The following MARCHF3 variants were observed in gnomAD, a reference collection of about 807,000 sequenced individuals.
MARCHF3 encodes the protein E3 ubiquitin-protein ligase MARCHF3.
Under a neutral mutation model 24.2 loss-of-function variants are expected in MARCHF3, and 13 were observed. The ratio of observed to expected loss-of-function variants is 0.54; its 90% CI spans 0.35 to 0.85. The LOEUF is 0.85. Among genes scored for constraint, MARCHF3 ranks in the 40% least tolerant of loss-of-function variants. The pLI, the probability that MARCHF3 is intolerant of heterozygous loss-of-function variation, is 0.01. For missense variants in MARCHF3, 276 were observed against 325.0 expected (o/e 0.85, Z 1.16); for synonymous variants, 144 against 137.3 (o/e 1.05, Z -0.34).
chr5:126,989,316 C>G (rs1051672687), intron 1 of MARCHF3, among the ~76,000 whole-genome samples: 7 of 143,410 alleles, frequency 4.9e-5, no homozygotes, highest in South Asian at 2.1e-4. Context: ...AGTACTACTA[C>G]TACTACTACT....
At chr5:127,019,740 T>G (rs904038555) in intron 1 of MARCHF3, among the ~76,000 whole-genome samples, 1 of 152,246 alleles carries the variant, frequency 6.6e-6, no homozygotes, top group East Asian at 1.9e-4. Context: ...TCCTGCCACC[T>G]GCCTTACTTT....
chr5:127,029,239 G>C (rs1441611644), intron 1 of MARCHF3, among the ~76,000 whole-genome samples: 1 of 151,778 alleles, frequency 6.6e-6, no homozygotes, highest in East Asian at 1.9e-4. Flanking sequence ...ACATATACAC[G>C]TATGTATGTG....
At chr5:127,003,467 C>G (rs1752205649) in intron 1 of MARCHF3, among the ~76,000 whole-genome samples, 1 of 121,064 alleles carries the variant, frequency 8.3e-6, no homozygotes, top group South Asian at 2.6e-4. Context: ...GACTCCGTCT[C>G]AAAGGCCGGC....
intron 1 of MARCHF3, among the ~76,000 whole-genome samples, chr5:126,944,935 A>G (rs1749958702): frequency 6.6e-6 from 1 of 152,192 alleles, no homozygotes; most frequent in Non-Finnish European, 1.5e-5. Context: ...TTCCTTCCTT[A>G]GTCATTCTTA....
In MARCHF3 at chr5:126,899,107, T is replaced by C. The variant is rs1580616221; in HGVS notation, c.393+15823A>G. ...ATGATGGATTGCAAAGAAACCGCTT[T>C]ATCCCAAACAATCTCACAGCGTTCC... On this transcript the variant is annotated intron_variant, in intron 3 of 4. Transcript: ENST00000308660. 3 of 985,330 alleles carry C rather than the reference T, an allele frequency of 3.0e-6. 1 individual carries two copies. The South Asian group carries it at 1.4e-4, about 46-fold the overall frequency. 61.0% of individuals were successfully genotyped at this position (985,330 alleles called of 1,614,324 possible).
At chr5:127,006,663 A>G (rs921191248) in intron 1 of MARCHF3, among the ~76,000 whole-genome samples, 1 of 152,222 alleles carries the variant, frequency 6.6e-6, no homozygotes, top group Admixed American at 6.5e-5. Context: ...AAAGATGAAT[A>G]TAACTATCTG....
intron 1 of MARCHF3, among the ~76,000 whole-genome samples, chr5:127,023,758 A>G (rs1313875840): frequency 1.3e-5 from 2 of 149,706 alleles, no homozygotes; most frequent in African/African-American, 2.4e-5. Flanking sequence ...ATAAATAAAT[A>G]AATAAATAAA....
rs866871175 is a variant in MARCHF3, at chr5:126,904,147, C to A, written c.393+10783G>T. 4.4e-3 allele frequency among the ~76,000 whole-genome samples: 655 copies of A among 149,580 alleles called. 3 individuals are homozygous for A. The highest frequency in any genetic ancestry group is 0.034 in the Middle Eastern group (10 of 294). ...GTCCCTACAAAGGACATGAACTCAT[C>A]ATTTTTTATGGCTGCATAGTATTCC... On this transcript the variant is annotated intron_variant, in intron 3 of 4. Coordinates refer to ENST00000308660, the MANE Select transcript of MARCHF3 (RefSeq NM_178450.5).
chr5:126,902,486 G>A (rs1352598702), intron 3 of MARCHF3, among the ~76,000 whole-genome samples: 2 of 152,016 alleles, frequency 1.3e-5, no homozygotes, highest in Non-Finnish European at 2.9e-5. Flanking sequence ...GCAAGGATCA[G>A]AACAATTGAA....
At chr5:126,931,132 C>G (rs1339066397) in intron 1 of MARCHF3, among the ~76,000 whole-genome samples, 1 of 152,184 alleles carries the variant, frequency 6.6e-6, no homozygotes, top group Admixed American at 6.5e-5. Context: ...TGAAATGGTT[C>G]TGCAGACACC....
At chr5:126,893,027 TG>T (rs1205047425) in intron 3 of MARCHF3, among the ~76,000 whole-genome samples, 1 of 151,926 alleles carries the variant, frequency 6.6e-6, no homozygotes, top group Non-Finnish European at 1.5e-5. Flanking sequence ...GGAGGGTGTA[TG>T]TGTCGAGGAA....
chr5:126,989,333 AC>A (rs1561461764), intron 1 of MARCHF3, among the ~76,000 whole-genome samples: 381 of 141,182 alleles, frequency 2.7e-3, no homozygotes, highest in African/African-American at 8.3e-3. Flanking sequence ...TACTACTACT[AC>A]TACTAATAAT....
chr5:126,989,716 G>A (rs1201546911), intron 1 of MARCHF3, among the ~76,000 whole-genome samples: 1 of 152,154 alleles, frequency 6.6e-6, no homozygotes, highest in Non-Finnish European at 1.5e-5. Context: ...GTATCAACAT[G>A]TATACATTAA....
At chr5:126,961,170 AG>A (rs1750625052) in intron 1 of MARCHF3, among the ~76,000 whole-genome samples, 2 of 152,268 alleles carry the variant, frequency 1.3e-5, no homozygotes, top group African/African-American at 4.8e-5. Flanking sequence ...GAATCCCAGA[AG>A]TACTGAAGAA....
intron 1 of MARCHF3, among the ~76,000 whole-genome samples, chr5:127,003,407 G>A (rs1243500137): frequency 2.0e-5 from 3 of 150,830 alleles, no homozygotes; most frequent in Non-Finnish European, 4.4e-5. Context: ...GGCGGAGCTT[G>A]CAGTGAGCCG....
chr5:126,896,009 T>C (rs970525732), intron 3 of MARCHF3, among the ~76,000 whole-genome samples: 3 of 152,156 alleles, frequency 2.0e-5, no homozygotes, highest in Non-Finnish European at 2.9e-5. Flanking sequence ...GGATATAATC[T>C]GGTGCGCCGT....
At chr5:126,895,188 G>A (rs1580611250) in intron 3 of MARCHF3, among the ~76,000 whole-genome samples, 1 of 151,922 alleles carries the variant, frequency 6.6e-6, no homozygotes, top group Middle Eastern at 3.2e-3. Flanking sequence ...TCTCTGTATT[G>A]GTTATTCCTG....
chr5:126,914,739 G>C, intron 3 of MARCHF3, 191 bp downstream of exon 3: 1 of 604,380 alleles, frequency 1.7e-6, no homozygotes, highest in African/African-American at 1.9e-5. Flanking sequence ...CCTTCTCTGT[G>C]TCTGTCTGTC....
intron 3 of MARCHF3, among the ~76,000 whole-genome samples, chr5:126,896,901 A>G (rs1381693149): frequency 2.6e-5 from 4 of 152,122 alleles, no homozygotes; most frequent in East Asian, 3.9e-4. Context: ...ATGTGTGTCT[A>G]TTTTGGGGGA....
Sources: allele counts gnomAD v4.1 joint callset (sites outside exome capture counted in the v4.1 genomes callset), GRCh38; gene constraint gnomAD v4.1.1; transcripts MANE v1.5; gene names NCBI Gene and HGNC (gene_info 2026-07-23, HGNC 2026-07-21).